The following USP5 variants were observed in gnomAD, a reference collection of about 807,000 sequenced individuals.
The protein encoded by USP5 is ubiquitin carboxyl-terminal hydrolase 5.
Under a neutral mutation model 102.5 loss-of-function variants are expected in USP5, and 24 were observed. That is an observed-to-expected ratio of 0.23 (90% confidence interval 0.17 to 0.33). USP5 has a LOEUF of 0.33. Among genes scored for constraint, USP5 ranks in the 10% least tolerant of loss-of-function variants. The pLI, the probability that USP5 is intolerant of heterozygous loss-of-function variation, is 1.00. For missense variants in USP5, 753 were observed against 1,122.1 expected (o/e 0.67, Z 4.70); for synonymous variants, 460 against 434.8 (o/e 1.06, Z -0.72).
Position 6,859,502 on chromosome 12 carries a change from A to G in USP5, c.1091A>G (p.Asn364Ser). The stretch of plus-strand genomic sequence containing the variant: ...GATAAGCTGGAGAAGATCTTCCAGA[A>G]TGCCCCGACGGACCCTACCCAGGAT... ...YVDKLEKIFQ[N>S]APTDPTQDFS... The change falls in exon 9 of 20, where the codon AAT (asparagine) becomes AGT (serine). Residue 364 changes from asparagine to serine, a missense_variant. This residue lies in a region of USP5 where 527 missense variants were observed against 816.5 expected (regional missense o/e 0.65). Coordinates refer to ENST00000229268, the MANE Select transcript of USP5 (RefSeq NM_001098536.2). 1 of 1,614,186 alleles carries G rather than the reference A, an allele frequency of 6.2e-7. No homozygotes were observed.
At position 6,856,187 on chromosome 12, in the gene USP5, C is replaced by T; in HGVS notation, c.438+37C>T. 1 of 1,612,970 alleles carries T rather than the reference C, an allele frequency of 6.2e-7. No homozygotes were observed. The highest frequency in any genetic ancestry group is 8.5e-7 in the Non-Finnish European group (1 of 1,179,298). On this transcript the variant is annotated intron_variant, in intron 4 of 19. Transcript: ENST00000229268. The surrounding 1 kb of genome is among the most constrained non-coding windows in gnomAD (Gnocchi z 5.6). Reference sequence around the variant, plus strand: ...CCCTATGCTACCCAAGATTCTAGAGCAAGATGGGCCAGGGTAGTGGTGTCT... The same window carrying T: ...CCCTATGCTACCCAAGATTCTAGAGTAAGATGGGCCAGGGTAGTGGTGTCT...
In USP5 at chr12:6,861,197, A is replaced by C; in HGVS notation, c.1498+91A>C. ...CACCTCATGGGAGCACAGCCCAGGG[A>C]ATGCCCTGCTTCACCAGCCAAGGTT... On this transcript the variant is annotated intron_variant, in intron 12 of 19. Transcript: ENST00000229268. This position sits in a 1 kb window ranked among gnomAD's most constrained non-coding sequence, Gnocchi z 4.9. 6.4e-7 allele frequency: 1 copy of C among 1,554,636 alleles called. No individual in the cohort carries two copies. Among genetic ancestry groups the C allele is most frequent in the Non-Finnish European group, 8.7e-7 (1 of 1,150,862 alleles).
chr12:6,863,393 TC>T lies in USP5; in HGVS notation c.1954+18del. The T allele has an allele frequency of 6.2e-7, 1 of 1,609,712 alleles. No individual in the cohort carries two copies. The highest frequency in any genetic ancestry group is 8.5e-7 in the Non-Finnish European group (1 of 1,177,090). ...TCTCCGACATGTTAGTGACTCTTCT[TC>T]CTGCCTGTCTCTCTCCCGTGCTGAT... On this transcript the variant is annotated intron_variant, in intron 15 of 19. Coordinates refer to ENST00000229268, the MANE Select transcript of USP5 (RefSeq NM_001098536.2). This position sits in a 1 kb window ranked among gnomAD's most constrained non-coding sequence, Gnocchi z 4.7.
chr12:6,858,701 T>C lies in USP5; in HGVS notation c.1058+84T>C, dbSNP rs1944188586. On this transcript the variant is annotated intron_variant, in intron 8 of 19. Transcript: ENST00000229268. This position sits in a 1 kb window ranked among gnomAD's most constrained non-coding sequence, Gnocchi z 4.2. ...TCCTCCTTCAGCTTCCCTCAGCACC[T>C]CTGTGTTTGATTCTAGTCTTAGAGT... is the stretch of plus-strand genomic sequence containing the variant. The C allele has an allele frequency of 7.7e-7, 1 of 1,292,206 alleles. No individual in the cohort carries two copies. The highest frequency in any genetic ancestry group is 1.1e-6 in the Non-Finnish European group (1 of 930,166). 80.0% of individuals were successfully genotyped at this position (1,292,206 alleles called of 1,614,324 possible). A position where few individuals can be genotyped will look rare whatever the true frequency, so the allele number is the denominator to read the frequency against.
Position 6,855,440 on chromosome 12 carries a change from C to T in USP5, c.151C>T (p.Leu51=), listed in dbSNP as rs782244235. The T allele has an allele frequency of 8.7e-6, 14 of 1,614,206 alleles. No homozygotes were observed. The highest frequency in any genetic ancestry group is 1.2e-5 in the Non-Finnish European group (14 of 1,180,038). ...GGLYICMNTF[L]GFGKQYVERH... is the part of the protein sequence containing the mutation. Reference sequence around the variant, plus strand: ...CCTCTACATCTGTATGAACACGTTTCTGGGCTTTGGGAAACAGTATGTGGA... The same window carrying T: ...CCTCTACATCTGTATGAACACGTTTTTGGGCTTTGGGAAACAGTATGTGGA... Residue 51 remains leucine, a synonymous_variant, in exon 2 of 20, where the codon CTG becomes TTG. Coordinates refer to ENST00000229268, the MANE Select transcript of USP5 (RefSeq NM_001098536.2). This position sits in a 1 kb window ranked among gnomAD's most constrained non-coding sequence, Gnocchi z 4.6.
At position 6,864,639 on chromosome 12, in the gene USP5, A is replaced by C; in HGVS notation, c.2245-83A>C. On this transcript the variant is annotated intron_variant, in intron 17 of 19. Transcript: ENST00000229268. The surrounding 1 kb of genome is among the most constrained non-coding windows in gnomAD (Gnocchi z 4.8). ...GGGAGGCGGAGCTTGCAGTGAGCCG[A>C]GATCGCGCCACTGCACTCCAGCCTG... 1 of 1,477,142 alleles carries C rather than the reference A, an allele frequency of 6.8e-7. No homozygotes were observed. The highest frequency in any genetic ancestry group is 9.1e-7 in the Non-Finnish European group (1 of 1,093,054). 91.5% of individuals were successfully genotyped at this position (1,477,142 alleles called of 1,614,324 possible).
Position 6,863,254 on chromosome 12 carries a change from G to C in USP5, c.1831G>C (p.Glu611Gln). 6.2e-7 allele frequency: 1 copy of C among 1,614,198 alleles called. No individual in the cohort carries two copies. The highest frequency in any genetic ancestry group is 8.5e-7 in the Non-Finnish European group (1 of 1,180,038). The change falls in exon 15 of 20, where the codon GAG becomes CAG. Residue 611 changes from glutamate to glutamine, a missense_variant. By Grantham distance (29) the Glu-to-Gln change is conservative (BLOSUM62 2). Around this residue, in one of 3 missense-constraint regions of USP5, gnomAD observed 527 missense variants for 816.5 expected, o/e 0.65. Transcript: ENST00000229268. This position sits in a 1 kb window ranked among gnomAD's most constrained non-coding sequence, Gnocchi z 4.7. ...GAGGGGCACAGGGCTGCAGCCCGGAGAGGAGGAGCTGCCAGACATTGCCCC... is the reference window on the plus strand; with the variant it reads ...GAGGGGCACAGGGCTGCAGCCCGGACAGGAGGAGCTGCCAGACATTGCCCC... The part of the protein sequence containing the change: ...QLRGTGLQPG[E>Q]EELPDIAPPL...
intron 1 of USP5, among the ~76,000 whole-genome samples, chr12:6,854,347 C>G (rs782117506): frequency 6.6e-6 from 1 of 152,212 alleles, no homozygotes; most frequent in African/African-American, 2.4e-5. Flanking sequence ...GCATGTTTAG[C>G]TGTGAGTCCC....
At chr12:6,865,355 A>T (rs1311474154) in intron 19 of USP5, 107 bp downstream of exon 19, 1 of 1,013,346 alleles carries the variant, frequency 9.9e-7, no homozygotes, top group Non-Finnish European at 1.5e-6. Context: ...GGACTGCCTG[A>T]TGGGGACATA....
rs111560611 is a variant in USP5 at position 6,854,195 on chromosome 12, C to T, written c.112-1206C>T. 6.2e-4 allele frequency among the ~76,000 whole-genome samples: 95 copies of T among 152,246 alleles called. 1 individual carries two copies. In the Middle Eastern group the frequency reaches 0.014, roughly 22 times the overall value. On this transcript the variant is annotated intron_variant, in intron 1 of 19. Transcript: ENST00000229268. ...GTTCTAGCTATCTCAGCAAGTGTTG[C>T]GAGATTGTTGTCAGAACGGGATGGC...
In USP5 at chr12:6,855,541, G is replaced by A. The variant is rs1555127967; in HGVS notation, c.237+15G>A. 1 of 1,613,738 alleles carries A rather than the reference G, an allele frequency of 6.2e-7. No homozygotes were observed. Among genetic ancestry groups the A allele is most frequent in the Admixed American group, 1.7e-5 (1 of 60,020 alleles). On this transcript the variant is annotated intron_variant, in intron 2 of 19. Transcript: ENST00000229268. The surrounding 1 kb of genome is among the most constrained non-coding windows in gnomAD (Gnocchi z 4.6). ...CCCGGCGCCCGGTAGGAGCAGGGCT[G>A]GGGCAAGGCCTGGGTACATTGTCTG...
intron 19 of USP5, among the ~76,000 whole-genome samples, chr12:6,865,467 TG>T (rs1325035589): frequency 1.3e-5 from 2 of 152,174 alleles, no homozygotes; most frequent in African/African-American, 4.8e-5. Context: ...CTCACTATGT[TG>T]CCCAGGCTGG....
Position 6,856,073 on chromosome 12 carries a change from A to C in USP5, c.361A>C (p.Lys121Gln), listed in dbSNP as rs1421489867. The change falls in exon 4 of 20, where the codon AAG (lysine) becomes CAG (glutamine). Residue 121 changes from lysine to glutamine, a missense_variant. This residue lies in a region of USP5 where 527 missense variants were observed against 816.5 expected (regional missense o/e 0.65). Transcript: ENST00000229268. The surrounding 1 kb of genome is among the most constrained non-coding windows in gnomAD (Gnocchi z 5.6). ...GAAGTTTGAATTAGACGAGGATGTG[A>C]AGATTGTCATTTTGCCAGATTACCT... ...EEKFELDEDV[K>Q]IVILPDYLEI... 2.5e-6 allele frequency: 4 copies of C among 1,614,020 alleles called. No homozygotes were observed. In the East Asian group the frequency reaches 8.9e-5, roughly 36 times the overall value.
rs782558129 is a variant in USP5, at chr12:6,856,102, G to A, written c.390G>A (p.Glu130=). Reference sequence around the variant, plus strand: ...TTGTCATTTTGCCAGATTACCTGGAGATTGCCCGGGATGGACTGGGGGGAC... The same window carrying A: ...TTGTCATTTTGCCAGATTACCTGGAAATTGCCCGGGATGGACTGGGGGGAC... ...VKIVILPDYL[E]IARDGLGGLP... Residue 130 remains glutamate, a synonymous_variant, in exon 4 of 20, where the codon GAG becomes GAA. Transcript: ENST00000229268. This position sits in a 1 kb window ranked among gnomAD's most constrained non-coding sequence, Gnocchi z 5.6. 3.7e-6 allele frequency: 6 copies of A among 1,614,078 alleles called. No homozygotes were observed. In the African/African-American group the frequency reaches 6.7e-5, roughly 18 times the overall value.
At chr12:6,852,341 T>C in intron 1 of USP5, 51 bp downstream of exon 1, 3 of 1,543,952 alleles carry the variant, frequency 1.9e-6, no homozygotes, top group Non-Finnish European at 2.6e-6. Flanking sequence ...TCCATCGCCC[T>C]GGTCATTCCG....
In USP5 at chr12:6,856,233, T is replaced by C. The variant is rs781898760; in HGVS notation, c.439-72T>C. The C allele has an allele frequency of 8.1e-6, 13 of 1,605,828 alleles. No homozygotes were observed. The African/African-American group carries it at 1.7e-4, about 21-fold the overall frequency. ...TGTCTTAGGCAAGCACTGACAAAGC[T>C]GAAGGCCAAGGGGAAGAGGGGCATG... On this transcript the variant is annotated intron_variant, in intron 4 of 19. Transcript: ENST00000229268. The surrounding 1 kb of genome is among the most constrained non-coding windows in gnomAD (Gnocchi z 5.6).
chr12:6,852,411 T>C, intron 1 of USP5, 121 bp downstream of exon 1: 1 of 1,001,674 alleles, frequency 1.0e-6, no homozygotes, highest in Non-Finnish European at 1.5e-6. Flanking sequence ...ACTTGTAGTC[T>C]CCCACGCTCC....
Position 6,866,236 on chromosome 12 carries a change from A to G in USP5, c.*159A>G. The G allele has an allele frequency of 1.5e-6, 1 of 661,918 alleles. No homozygotes were observed. 41.0% of individuals were successfully genotyped at this position (661,918 alleles called of 1,614,324 possible). A position where few individuals can be genotyped will look rare whatever the true frequency, so the allele number is the denominator to read the frequency against. On this transcript the variant is annotated 3_prime_UTR_variant, in exon 20 of 20. Transcript: ENST00000229268. The surrounding 1 kb of genome is among the most constrained non-coding windows in gnomAD (Gnocchi z 4.7). ...GGAGGCCGTGGGAGAATGGCTGGGC[A>G]GAGCAGAGGGGCAGCGATAGACTCT... is the stretch of plus-strand genomic sequence containing the variant.
Position 6,866,171 on chromosome 12 carries a change from T to G in USP5, c.*94T>G. 1 of 1,195,876 alleles carries G rather than the reference T, an allele frequency of 8.4e-7. No individual in the cohort carries two copies. Among genetic ancestry groups the G allele is most frequent in the Non-Finnish European group, 1.2e-6 (1 of 824,724 alleles). 74.1% of individuals were successfully genotyped at this position (1,195,876 alleles called of 1,614,324 possible). The stretch of plus-strand genomic sequence containing the variant: ...GATGGACTTCAGCCCCTCTGCTCTG[T>G]ACCCTTTTTCCTTTTGTCCCCGGCA... On this transcript the variant is annotated 3_prime_UTR_variant, in exon 20 of 20. Coordinates refer to ENST00000229268, the MANE Select transcript of USP5 (RefSeq NM_001098536.2). The surrounding 1 kb of genome is among the most constrained non-coding windows in gnomAD (Gnocchi z 4.7).
Sources: allele counts gnomAD v4.1 joint callset (sites outside exome capture counted in the v4.1 genomes callset), GRCh38; gene constraint gnomAD v4.1.1; regional missense constraint gnomAD v4.1.1; non-coding constraint Gnocchi (gnomAD v3.1); transcripts MANE v1.5; gene names NCBI Gene and HGNC (gene_info 2026-07-23, HGNC 2026-07-21).